GAN: variants seen among roughly 807,000 people sequenced by gnomAD.
GAN encodes epididymis secretory sperm binding protein.
In GAN, 48 loss-of-function variants were observed where a neutral mutation model predicts 71.3. That is an observed-to-expected ratio of 0.67 (90% CI 0.53 to 0.86). GAN has a LOEUF of 0.86. GAN is among the 40% of genes least tolerant of loss of function. The probability of loss-of-function intolerance (pLI) is 0.00; values close to 1 mark genes in which losing one functional copy is unlikely to be tolerated. For synonymous variants in GAN, 386 were observed against 276.8 expected (o/e 1.39, Z -3.92); for missense variants, 928 against 770.1 (o/e 1.21, Z -2.43).
intron 6 of GAN, 113 bp from the exon 7 acceptor site, chr16:81,363,681 A>C (rs1469331069): frequency 9.7e-7 from 1 of 1,026,144 alleles, no homozygotes; most frequent in African/African-American, 1.6e-5. Flanking sequence ...AGGAGTCCCC[A>C]TTGTCTATTT....
intron 1 of GAN, among the ~76,000 whole-genome samples, chr16:81,328,583 T>C (rs1208369813): frequency 5.3e-5 from 8 of 152,146 alleles, no homozygotes; most frequent in Non-Finnish European, 8.8e-5. Context: ...TTATTTGTTG[T>C]GTGAAGCCAG....
chr16:81,367,430 G>A (rs533378545), intron 9 of GAN, among the ~76,000 whole-genome samples: 1 of 152,226 alleles, frequency 6.6e-6, no homozygotes, highest in Admixed American at 6.5e-5. Flanking sequence ...TCAGAAGGCT[G>A]AGGCATGAGA....
intron 1 of GAN, among the ~76,000 whole-genome samples, chr16:81,324,386 C>T (rs1909312661): frequency 6.6e-6 from 1 of 152,060 alleles, no homozygotes; most frequent in African/African-American, 2.4e-5. Flanking sequence ...GTGACGGGAT[C>T]CCTGCTCCGA....
At chr16:81,356,229 G>C (rs1910480471) in intron 3 of GAN, among the ~76,000 whole-genome samples, 1 of 128,316 alleles carries the variant, frequency 7.8e-6, no homozygotes, top group African/African-American at 2.9e-5. Flanking sequence ...TTTAGTGATT[G>C]AGCAGTAAAA....
intron 1 of GAN, 146 bp from the exon 2 acceptor site, chr16:81,351,437 T>C (rs1233894963): frequency 3.5e-5 from 22 of 621,210 alleles, no homozygotes; most frequent in Admixed American, 1.6e-4. Flanking sequence ...TAGAAATACA[T>C]AGACCTAAAG....
Position 81,388,942 on chromosome 16 carries a change from A to C in GAN, c.*11346A>C, listed in dbSNP as rs1904484547. 1 of 152,216 alleles carries C rather than the reference A, an allele frequency of 6.6e-6. No homozygotes were observed. Among genetic ancestry groups the C allele is most frequent in the Non-Finnish European group, 1.5e-5 (1 of 68,046 alleles). The allele number at this position is 152,216 out of a possible 1,614,324, so 9.4% of individuals were successfully genotyped here. Reference sequence around the variant, plus strand: ...AAAATAAATTTATTGTTAGTCTAGCATATGCTCATTGAAATTGACTTATGT... The same window carrying C: ...AAAATAAATTTATTGTTAGTCTAGCCTATGCTCATTGAAATTGACTTATGT... On this transcript the variant is annotated 3_prime_UTR_variant, in exon 11 of 11. Transcript: ENST00000648994.
At chr16:81,375,188 A>G (rs184852146) in intron 9 of GAN, among the ~76,000 whole-genome samples, 96 of 152,218 alleles carry the variant, frequency 6.3e-4, no homozygotes, top group African/African-American at 2.2e-3. Flanking sequence ...CATGCTGGGA[A>G]AAAATATTCA....
chr16:81,342,833 C>G (rs555920856), intron 1 of GAN, among the ~76,000 whole-genome samples: 2 of 152,180 alleles, frequency 1.3e-5, no homozygotes, highest in African/African-American at 4.8e-5. Flanking sequence ...ATCAATGAAT[C>G]CAGGAACTGG....
At chr16:81,356,272 T>A (rs892131102) in intron 3 of GAN, among the ~76,000 whole-genome samples, 1 of 152,244 alleles carries the variant, frequency 6.6e-6, no homozygotes, top group Non-Finnish European at 1.5e-5. Flanking sequence ...TTAGATATTT[T>A]TGAACAGTAA....
intron 1 of GAN, among the ~76,000 whole-genome samples, chr16:81,336,814 A>G (rs1403126203): frequency 6.6e-6 from 1 of 152,006 alleles, no homozygotes; most frequent in African/African-American, 2.4e-5. Context: ...TCACAGCAAA[A>G]CTGAGAGGAA....
chr16:81,381,075 G>C lies in GAN; in HGVS notation c.*3479G>C, dbSNP rs1474143127. ...TGTCATTTTTATAATTTATGAGTTG[G>C]GGGGATTCCCTAGTCAATGCATAGG... On this transcript the variant is annotated 3_prime_UTR_variant, in exon 11 of 11. Coordinates refer to ENST00000648994, the MANE Select transcript of GAN (RefSeq NM_022041.4). 6.6e-6 allele frequency: 1 copy of C among 152,120 alleles called. No individual in the cohort carries two copies. Among genetic ancestry groups the C allele is most frequent in the Admixed American group, 6.5e-5 (1 of 15,268 alleles). 9.4% of individuals were successfully genotyped at this position (152,120 alleles called of 1,614,324 possible). A position where few individuals can be genotyped will look rare whatever the true frequency, so the allele number is the denominator to read the frequency against.
Position 81,362,587 on chromosome 16 carries a change from G to A in GAN, c.1062G>A (p.Trp354Ter), listed in dbSNP as rs748632070. The A allele has an allele frequency of 3.8e-6, 6 of 1,578,148 alleles. No homozygotes were observed. Among genetic ancestry groups the A allele is most frequent in the Non-Finnish European group, 8.7e-7 (1 of 1,147,074 alleles). The change falls in exon 6 of 11, where the codon TGG becomes TGA. Residue 354 changes from tryptophan (W) to a stop codon, truncating the protein, a stop_gained. Coordinates refer to ENST00000648994, the MANE Select transcript of GAN (RefSeq NM_022041.4). LOFTEE classifies it high-confidence loss of function. ...GEKYDPDANTWTALPPMNEAR... is the reference protein window; with the variant it reads ...GEKYDPDANT ...AGTATGATCCAGATGCAAATACATG[G>A]ACAGCATTGCCACCTATGAACGAGG... is the stretch of plus-strand genomic sequence containing the variant.
intron 1 of GAN, among the ~76,000 whole-genome samples, chr16:81,349,053 C>T (rs1019154656): frequency 6.6e-6 from 1 of 152,166 alleles, no homozygotes; most frequent in Admixed American, 6.5e-5. Flanking sequence ...AGTCATTTGT[C>T]TTCCACTGGA....
intron 9 of GAN, among the ~76,000 whole-genome samples, chr16:81,375,333 A>G (rs981063969): frequency 7.8e-6 from 1 of 127,514 alleles, no homozygotes; most frequent in Non-Finnish European, 1.6e-5. Flanking sequence ...TTTTTTTTTA[A>G]TTTATCTTTT....
chr16:81,387,356 T>G lies in GAN; in HGVS notation c.*9760T>G, dbSNP rs1904433270. 1 of 152,120 alleles carries G rather than the reference T, an allele frequency of 6.6e-6. No individual in the cohort carries two copies. The highest frequency in any genetic ancestry group is 1.5e-5 in the Non-Finnish European group (1 of 68,028). 9.4% of individuals were successfully genotyped at this position (152,120 alleles called of 1,614,324 possible). On this transcript the variant is annotated 3_prime_UTR_variant, in exon 11 of 11. Transcript: ENST00000648994. ...CACGGCAACCTTCCCACTCCGTAGGTGGGTAGCCTTGCTGATGGGGCACGT... is the reference window on the plus strand; with the variant it reads ...CACGGCAACCTTCCCACTCCGTAGGGGGGTAGCCTTGCTGATGGGGCACGT...
intron 9 of GAN, among the ~76,000 whole-genome samples, chr16:81,373,584 G>C (rs752941779): frequency 6.6e-6 from 1 of 152,082 alleles, no homozygotes; most frequent in Non-Finnish European, 1.5e-5. Context: ...ATCAAAACCA[G>C]GATATTTATG....
chr16:81,370,337 A>G (rs1013697072), intron 9 of GAN, among the ~76,000 whole-genome samples: 3 of 152,092 alleles, frequency 2.0e-5, no homozygotes, highest in African/African-American at 7.2e-5. Flanking sequence ...CCCACCCCCA[A>G]CCACATCTGT....
At chr16:81,323,860 C>T (rs1909295216) in intron 1 of GAN, among the ~76,000 whole-genome samples, 2 of 152,106 alleles carry the variant, frequency 1.3e-5, no homozygotes, top group African/African-American at 4.8e-5. Flanking sequence ...TATTCAGTGG[C>T]CTCCCACAGA....
chr16:81,334,036 CCTT>C (rs1203062484), intron 1 of GAN, among the ~76,000 whole-genome samples: 1 of 152,198 alleles, frequency 6.6e-6, no homozygotes, highest in Non-Finnish European at 1.5e-5. Flanking sequence ...GAAAACATAA[CCTT>C]CTTTGAGATA....
Sources: allele counts gnomAD v4.1 joint callset (sites outside exome capture counted in the v4.1 genomes callset), GRCh38; gene constraint gnomAD v4.1.1; transcripts MANE v1.5; gene names NCBI Gene and HGNC (gene_info 2026-07-23, HGNC 2026-07-21).